MEOX2: variants seen among roughly 807,000 people sequenced by gnomAD.
The protein encoded by MEOX2 is mesenchyme homeobox 2.
A neutral mutation model predicts 27.0 loss-of-function variants in MEOX2; 11 were observed. The observed-to-expected ratio is 0.41, with a 90% CI of 0.26 to 0.68. The LOEUF is 0.68. MEOX2 is among the 30% of genes least tolerant of loss of function. MEOX2 has a pLI of 0.33. For missense variants in MEOX2, 436 were observed against 385.4 expected, an observed-to-expected ratio of 1.13 and a Z score of -1.10; for synonymous variants, 189 against 155.4, an observed-to-expected ratio of 1.22 and a Z score of -1.61.
chr7:15,682,790 T>C (rs1182352190), intron 1 of MEOX2, among the ~76,000 whole-genome samples: 2 of 151,984 alleles, frequency 1.3e-5, no homozygotes, highest in African/African-American at 2.4e-5. Flanking sequence ...TGCTTTGTAG[T>C]GATTTTTTTC....
chr7:15,677,207 A>G (rs939210698), intron 1 of MEOX2, among the ~76,000 whole-genome samples: 1 of 152,244 alleles, frequency 6.6e-6, no homozygotes, highest in Non-Finnish European at 1.5e-5. Flanking sequence ...GATTATTTTC[A>G]GATGGTGCAT....
intron 1 of MEOX2, among the ~76,000 whole-genome samples, chr7:15,652,421 T>C (rs73679856): frequency 0.025 from 3,847 of 152,134 alleles, 161 homozygotes; most frequent in African/African-American, 0.087. Context: ...TATAAGCAGG[T>C]CTTCTATTCT....
At chr7:15,626,667 G>C (rs900193256) in intron 2 of MEOX2, 79 bp downstream of exon 2, 7 of 1,017,934 alleles carry the variant, frequency 6.9e-6, no homozygotes, top group African/African-American at 3.2e-5. Flanking sequence ...TCTGGATCTA[G>C]GTATTTCAAA....
At chr7:15,641,957 T>TA (rs1781568775) in intron 1 of MEOX2, among the ~76,000 whole-genome samples, 1 of 152,214 alleles carries the variant, frequency 6.6e-6, no homozygotes, top group Non-Finnish European at 1.5e-5. Flanking sequence ...TTCTGGCCTG[T>TA]AAAATCTCTG....
intron 1 of MEOX2, among the ~76,000 whole-genome samples, chr7:15,652,642 T>A (rs1781750467): frequency 6.6e-6 from 1 of 152,074 alleles, no homozygotes; most frequent in Non-Finnish European, 1.5e-5. Context: ...TAGTTGTTGA[T>A]TCACATGCAA....
At chr7:15,665,638 ATC>A (rs1781991097) in intron 1 of MEOX2, among the ~76,000 whole-genome samples, 1 of 152,226 alleles carries the variant, frequency 6.6e-6, no homozygotes, top group Non-Finnish European at 1.5e-5. Context: ...AGATACTGAG[ATC>A]TCATCAATAA....
chr7:15,685,989 G>T lies in MEOX2; in HGVS notation c.414C>A (p.Thr138=). Residue 138 remains threonine (T), a synonymous_variant, in exon 1 of 3, where the codon ACC becomes ACA. Transcript: ENST00000262041. ...CSNSSSLGSS[T]PTGAACAPGD... is the part of the protein sequence containing the mutation. ...CCGGCGCGCACGCGGCCCCAGTCGG[G>T]GTGCTGGAGCCCAAGCTGGAAGAGT... The T allele has an allele frequency of 1.2e-6, 2 of 1,609,942 alleles. No individual in the cohort carries two copies. The highest frequency in any genetic ancestry group is 1.3e-5 in the African/African-American group (1 of 75,056).
intron 1 of MEOX2, among the ~76,000 whole-genome samples, chr7:15,658,673 G>T (rs1475253770): frequency 6.6e-6 from 1 of 152,076 alleles, no homozygotes; most frequent in Admixed American, 6.5e-5. Context: ...GAGGTAATAG[G>T]TCACAAGACT....
At chr7:15,672,363 A>T (rs73288148) in intron 1 of MEOX2, among the ~76,000 whole-genome samples, 2,845 of 152,282 alleles carry the variant, frequency 0.019, 79 homozygotes, top group African/African-American at 0.065. Flanking sequence ...CACAGAATGT[A>T]TATAGAATCT....
intron 1 of MEOX2, among the ~76,000 whole-genome samples, chr7:15,645,647 C>T (rs1345154736): frequency 1.3e-5 from 2 of 152,030 alleles, no homozygotes; most frequent in Non-Finnish European, 2.9e-5. Context: ...TTATTGAGTA[C>T]CTGAATTATC....
chr7:15,672,576 A>T (rs1055488354), intron 1 of MEOX2, among the ~76,000 whole-genome samples: 2 of 152,182 alleles, frequency 1.3e-5, no homozygotes, highest in Non-Finnish European at 2.9e-5. Context: ...ATACAATCAA[A>T]GGTATTTCAC....
chr7:15,623,062 C>T (rs1781245210), intron 2 of MEOX2, among the ~76,000 whole-genome samples: 1 of 152,172 alleles, frequency 6.6e-6, no homozygotes, highest in Admixed American at 6.5e-5. Context: ...TTATAAGCCA[C>T]CCAGTCTATG....
chr7:15,667,074 A>C (rs1022170889), intron 1 of MEOX2, among the ~76,000 whole-genome samples: 5 of 150,878 alleles, frequency 3.3e-5, no homozygotes, highest in Non-Finnish European at 5.9e-5. Context: ...GACAGATCAC[A>C]AAGTCAAGAG....
At chr7:15,645,091 A>C (rs1435716137) in intron 1 of MEOX2, among the ~76,000 whole-genome samples, 1 of 152,228 alleles carries the variant, frequency 6.6e-6, no homozygotes, top group Non-Finnish European at 1.5e-5. Flanking sequence ...TGATTAGCTA[A>C]TTTGAAAGTT....
rs1374910275 is a variant in MEOX2 at position 15,612,383 on chromosome 7, T to G, written c.*4A>C. The G allele has an allele frequency of 1.2e-5, 19 of 1,611,758 alleles. No individual in the cohort carries two copies. Among genetic ancestry groups the G allele is most frequent in the Non-Finnish European group, 1.5e-5 (18 of 1,178,122 alleles). ...CTGAGAATGGAGCTGGTCCTCTGTT[T>G]ATATCATAAGTGCGCATGCTCTGAG... On this transcript the variant is annotated 3_prime_UTR_variant, in exon 3 of 3. Coordinates refer to ENST00000262041, the MANE Select transcript of MEOX2 (RefSeq NM_005924.5).
Position 15,620,954 on chromosome 7 carries a change from C to G in MEOX2, c.690+5792G>C, listed in dbSNP as rs144059617. 1.5e-4 allele frequency among the ~76,000 whole-genome samples: 23 copies of G among 152,300 alleles called. No homozygotes were observed. The East Asian group carries it at 4.4e-3, about 29-fold the overall frequency. On this transcript the variant is annotated intron_variant, in intron 2 of 2. Transcript: ENST00000262041. Reference sequence around the variant, plus strand: ...GGCAGCCTTAACTCTATAAAAATGTCCATTTTACCACTTCTTTTATATGCT... The same window carrying G: ...GGCAGCCTTAACTCTATAAAAATGTGCATTTTACCACTTCTTTTATATGCT...
intron 1 of MEOX2, among the ~76,000 whole-genome samples, chr7:15,646,373 T>C (rs1187945900): frequency 6.6e-6 from 1 of 152,046 alleles, no homozygotes; most frequent in Non-Finnish European, 1.5e-5. Flanking sequence ...GGCTTTCTAT[T>C]ATTCTACTAT....
intron 2 of MEOX2, among the ~76,000 whole-genome samples, chr7:15,618,234 G>A (rs1781153849): frequency 6.6e-6 from 1 of 151,798 alleles, no homozygotes; most frequent in Non-Finnish European, 1.5e-5. Context: ...ATTTTTACAG[G>A]AGATAAAAAA....
intron 1 of MEOX2, among the ~76,000 whole-genome samples, chr7:15,683,041 ATG>A (rs1224923281): frequency 6.6e-6 from 1 of 152,040 alleles, no homozygotes; most frequent in Non-Finnish European, 1.5e-5. Context: ...GAGTTTGCAT[ATG>A]TGTGTGTCCA....
Sources: allele counts gnomAD v4.1 joint callset (sites outside exome capture counted in the v4.1 genomes callset), GRCh38; gene constraint gnomAD v4.1.1; transcripts MANE v1.5; gene names NCBI Gene and HGNC (gene_info 2026-07-23, HGNC 2026-07-21).